The following KMT2C variants were observed in gnomAD, a reference collection of about 807,000 sequenced individuals.
KMT2C encodes the protein lysine methyltransferase 2C.
Under a neutral mutation model 507.9 loss-of-function variants are expected in KMT2C, and 88 were observed. That is an observed-to-expected ratio of 0.17 (90% CI 0.15 to 0.21). KMT2C has a LOEUF of 0.21. Among genes scored for constraint, KMT2C ranks in the 10% least tolerant of loss-of-function variants. The probability of loss-of-function intolerance (pLI) is 1.00; values close to 1 mark genes in which losing one functional copy is unlikely to be tolerated. For synonymous variants in KMT2C, 2,049 were observed against 2,080.8 expected, an observed-to-expected ratio of 0.98 and a Z score of 0.42; for missense variants, 4,954 against 5,957.8, an observed-to-expected ratio of 0.83 and a Z score of 5.55.
intron 2 of KMT2C, among the ~76,000 whole-genome samples, chr7:152,353,080 T>C (rs2097126180): frequency 6.6e-6 from 1 of 152,194 alleles, no homozygotes; most frequent in South Asian, 2.1e-4. Context: ...TTGATTTTAT[T>C]CATATAAAAA....
At chr7:152,318,339 C>G (rs1460613544) in intron 3 of KMT2C, among the ~76,000 whole-genome samples, 3 of 151,900 alleles carry the variant, frequency 2.0e-5, no homozygotes, top group Non-Finnish European at 4.4e-5. Context: ...TGTGGTGGCA[C>G]ACACCTGTAA....
Position 152,178,005 on chromosome 7 carries a change from C to T in KMT2C, c.7448G>A (p.Gly2483Glu), listed in dbSNP as rs753457025. The change falls in exon 38 of 59, where the codon GGA becomes GAA. Residue 2483 changes from glycine to glutamate, a missense_variant. Gly to Glu is a moderately conservative substitution (Grantham distance 98). Coordinates refer to ENST00000262189, the MANE Select transcript of KMT2C (RefSeq NM_170606.3). Reference protein sequence around the residue: ...MGMRPHGFRFGFPGGSHGTMP... With the variant: ...MGMRPHGFRFEFPGGSHGTMP... ...GGTACCATGACTACCTCCTGGAAAT[C>T]CAAATCTTTTAAAAAAAAAAAAAAA... 1 of 508,778 alleles carries T rather than the reference C, an allele frequency of 2.0e-6. No individual in the cohort carries two copies. Among genetic ancestry groups the T allele is most frequent in the Admixed American group, 5.2e-5 (1 of 19,230 alleles). 31.5% of individuals were successfully genotyped at this position (508,778 alleles called of 1,614,324 possible).
rs2129129085 is a variant in KMT2C at position 152,194,254 on chromosome 7, A to T, written c.4515T>A (p.Ile1505=). 1 of 1,504,050 alleles carries T rather than the reference A, an allele frequency of 6.6e-7. No individual in the cohort carries two copies. Among genetic ancestry groups the T allele is most frequent in the Non-Finnish European group, 9.0e-7 (1 of 1,105,518 alleles). The allele number at this position is 1,504,050 out of a possible 1,614,324, so 93.2% of individuals were successfully genotyped here. The part of the protein sequence containing the change: ...ELDKMVTDGA[I]LGKLYKIPEL... ...CTGGAATTTTATATAATTTTCCAAG[A>T]ATTGCTCCTAGAATAAATTAAAAAA... Residue 1505 remains isoleucine (I), a synonymous_variant, in exon 30 of 59, where the codon ATT becomes ATA. Transcript: ENST00000262189.
intron 23 of KMT2C, among the ~76,000 whole-genome samples, chr7:152,214,178 A>C (rs2094518584): frequency 6.6e-6 from 1 of 151,966 alleles, no homozygotes; most frequent in Non-Finnish European, 1.5e-5. Context: ...AAAAAAAAAA[A>C]AACTACCACC....
rs71294474 is a variant in KMT2C, at chr7:152,299,319, AAAATAAAT to A, written c.849+10639_849+10646del. Among the ~76,000 whole-genome samples the A allele has an allele frequency of 1.7e-3, 256 of 146,762 alleles. 1 individual carries two copies. Among genetic ancestry groups the A allele is most frequent in the African/African-American group, 5.1e-3 (198 of 38,842 alleles). On this transcript the variant is annotated intron_variant, in intron 6 of 58. Transcript: ENST00000262189. ...GCAACAGAGCGAGACTCTATCTCAA[AAAATAAAT>A]AAATAAATAAATAAATAAATAAATA...
intron 2 of KMT2C, among the ~76,000 whole-genome samples, chr7:152,347,121 GAAAGA>G (rs1246656114): frequency 2.6e-5 from 4 of 152,154 alleles, no homozygotes; most frequent in Admixed American, 6.5e-5. Flanking sequence ...AAAGGAAAAG[GAAAGA>G]AAAGAAAAGA....
intron 3 of KMT2C, among the ~76,000 whole-genome samples, chr7:152,325,038 C>A (rs1185849111): frequency 6.6e-6 from 1 of 151,836 alleles, no homozygotes; most frequent in Non-Finnish European, 1.5e-5. Context: ...AACATAAGTT[C>A]TTTGTTAGTT....
intron 1 of KMT2C, among the ~76,000 whole-genome samples, chr7:152,380,846 G>A (rs2097367836): frequency 6.6e-6 from 1 of 152,124 alleles, no homozygotes; most frequent in Admixed American, 6.5e-5. Context: ...GGACAGAAAA[G>A]TAAAATTCAG....
chr7:152,410,199 C>G (rs2097666346), intron 1 of KMT2C, among the ~76,000 whole-genome samples: 1 of 152,056 alleles, frequency 6.6e-6, no homozygotes, highest in Non-Finnish European at 1.5e-5. Context: ...ATCACGAGGT[C>G]AGCAATTCAA....
chr7:152,179,460 T>C (rs2093349925), intron 37 of KMT2C, among the ~76,000 whole-genome samples: 1 of 152,194 alleles, frequency 6.6e-6, no homozygotes, highest in South Asian at 2.1e-4. Flanking sequence ...CAGTTAATAC[T>C]TAAAAACAAA....
At position 152,177,180 on chromosome 7, in the gene KMT2C, G is replaced by A. The variant is rs2129114362; in HGVS notation, c.8273C>T (p.Ala2758Val). The A allele has an allele frequency of 6.2e-7, 1 of 1,613,848 alleles. No homozygotes were observed. ...CATGTCAAGTTCTGGATCTGTATAT[G>A]CAATGATATCAAACTCTCCTGACCT... ...LLRSGEFDIIAYTDPELDMGD... is the reference protein window; with the variant it reads ...LLRSGEFDIIVYTDPELDMGD... Residue 2758 changes from alanine (A) to valine (V), a missense_variant, in exon 38 of 59, where the codon GCA (alanine) becomes GTA (valine). By Grantham distance (64) the Ala-to-Val change is moderately conservative. Coordinates refer to ENST00000262189, the MANE Select transcript of KMT2C (RefSeq NM_170606.3).
rs1489673912 is a variant in KMT2C, at chr7:152,333,278, CAT to C, written c.251-2541_251-2540del. 2.6e-5 allele frequency among the ~76,000 whole-genome samples: 4 copies of C among 152,228 alleles called. No homozygotes were observed. In the East Asian group the frequency reaches 7.7e-4, roughly 29 times the overall value. Reference sequence around the variant, plus strand: ...TCCCAAGCAGCTGGGACCACAGGCACATGTCACCACATTCTTTTTCATTTTTT... The same window carrying C: ...TCCCAAGCAGCTGGGACCACAGGCACGTCACCACATTCTTTTTCATTTTTT... On this transcript the variant is annotated intron_variant, in intron 2 of 58. Coordinates refer to ENST00000262189, the MANE Select transcript of KMT2C (RefSeq NM_170606.3).
At chr7:152,369,194 G>A (rs927446063) in intron 1 of KMT2C, among the ~76,000 whole-genome samples, 2 of 151,898 alleles carry the variant, frequency 1.3e-5, no homozygotes, top group African/African-American at 2.4e-5. Flanking sequence ...ATGGTGGCAC[G>A]TGCCTGTAAT....
At chr7:152,396,360 C>T (rs1445910905) in intron 1 of KMT2C, among the ~76,000 whole-genome samples, 2 of 152,188 alleles carry the variant, frequency 1.3e-5, no homozygotes, top group East Asian at 1.9e-4. Flanking sequence ...TTCAAGAAAT[C>T]GAGATAATAA....
chr7:152,389,044 G>A (rs886635845), intron 1 of KMT2C, among the ~76,000 whole-genome samples: 8 of 151,240 alleles, frequency 5.3e-5, no homozygotes, highest in Admixed American at 1.3e-4. Flanking sequence ...CACCGCGCCC[G>A]ACCAACTTTT....
At position 152,136,625 on chromosome 7, in the gene KMT2C, C is replaced by T. The variant is rs183136694; in HGVS notation, c.*207G>A. On this transcript the variant is annotated 3_prime_UTR_variant, in exon 59 of 59. Coordinates refer to ENST00000262189, the MANE Select transcript of KMT2C (RefSeq NM_170606.3). ...ACCATTCTGTGATTCCGTTTAACCT[C>T]GGCCACTTCAGGAACGCTGCTTCTG... 2.1e-4 allele frequency: 119 copies of T among 559,408 alleles called. No individual in the cohort carries two copies. The highest frequency in any genetic ancestry group is 2.1e-3 in the African/African-American group (112 of 52,696). 34.7% of individuals were successfully genotyped at this position (559,408 alleles called of 1,614,324 possible). A position where few individuals can be genotyped will look rare whatever the true frequency, so the allele number is the denominator to read the frequency against.
At chr7:152,434,420 G>C (rs1436461948) in intron 1 of KMT2C, among the ~76,000 whole-genome samples, 1 of 152,202 alleles carries the variant, frequency 6.6e-6, no homozygotes, top group Non-Finnish European at 1.5e-5. Flanking sequence ...CCACAACCCA[G>C]CTCTGCTATG....
chr7:152,413,333 G>C (rs2097701121), intron 1 of KMT2C, among the ~76,000 whole-genome samples: 1 of 151,988 alleles, frequency 6.6e-6, no homozygotes, highest in African/African-American at 2.4e-5. Flanking sequence ...CAGACTAGTT[G>C]AGCTCCTGAG....
At chr7:152,371,821 C>T (rs2129241612) in intron 1 of KMT2C, among the ~76,000 whole-genome samples, 1 of 152,100 alleles carries the variant, frequency 6.6e-6, no homozygotes, top group East Asian at 1.9e-4. Context: ...ACCATATTGG[C>T]CATGCTGGTC....
Sources: allele counts gnomAD v4.1 joint callset (sites outside exome capture counted in the v4.1 genomes callset), GRCh38; gene constraint gnomAD v4.1.1; transcripts MANE v1.5; gene names NCBI Gene and HGNC (gene_info 2026-07-23, HGNC 2026-07-21).